Variants in DIAPH2 observed in about 807,000 individuals in gnomAD.
DIAPH2 encodes the protein protein diaphanous homolog 2.
A neutral mutation model predicts 92.7 loss-of-function variants in DIAPH2; 35 were observed. That is an observed-to-expected ratio of 0.38 (90% CI 0.29 to 0.50). The LOEUF is 0.50. DIAPH2 is among the 20% of genes least tolerant of loss of function. The pLI is 0.94. For missense variants in DIAPH2, 701 were observed against 819.5 expected, an observed-to-expected ratio of 0.86 and a Z score of 1.77; for synonymous variants, 301 against 280.4, an observed-to-expected ratio of 1.07 and a Z score of -0.73.
intron 24 of DIAPH2, among the ~76,000 whole-genome samples, chrX:97,364,680 G>A (rs1369831385): frequency 9.1e-6 from 1 of 109,869 alleles, no homozygotes; most frequent in Admixed American, 9.7e-5. Context: ...TACATATACA[G>A]CCTGATCACT....
intron 3 of DIAPH2, among the ~76,000 whole-genome samples, chrX:96,756,646 T>G (rs2064231117): frequency 8.9e-6 from 1 of 111,737 alleles, no homozygotes; most frequent in Non-Finnish European, 1.9e-5. Context: ...GTATGTAAGC[T>G]GGGTCATATG....
intron 17 of DIAPH2, among the ~76,000 whole-genome samples, chrX:97,052,745 A>G (rs1472413673): frequency 9.0e-6 from 1 of 111,091 alleles, no homozygotes; most frequent in Non-Finnish European, 1.9e-5. Context: ...GTTAAATATG[A>G]TTTTATATTA....
intron 23 of DIAPH2, among the ~76,000 whole-genome samples, chrX:97,269,975 G>C (rs898290855): frequency 3.6e-5 from 4 of 109,769 alleles, no homozygotes; most frequent in Non-Finnish European, 7.6e-5. Flanking sequence ...TTGTTGCCCA[G>C]GCTGGAGTGC....
intron 26 of DIAPH2, among the ~76,000 whole-genome samples, chrX:97,484,681 G>T (rs1299364491): frequency 9.0e-6 from 1 of 111,442 alleles, no homozygotes. Flanking sequence ...GGCAGATCAC[G>T]ATGTCAGGAG....
At chrX:96,905,213 T>C (rs780796050) in intron 5 of DIAPH2, among the ~76,000 whole-genome samples, 10 of 112,155 alleles carry the variant, frequency 8.9e-5, no homozygotes, top group Non-Finnish European at 3.8e-5. Flanking sequence ...TTAATTTGGA[T>C]AATCTAATCA....
chrX:97,050,214 A>G (rs2066510528), intron 17 of DIAPH2, among the ~76,000 whole-genome samples: 1 of 111,454 alleles, frequency 9.0e-6, no homozygotes, highest in African/African-American at 3.2e-5. Context: ...AATATATCTT[A>G]GAATTGATGG....
chrX:97,474,062 A>T (rs758057229), intron 26 of DIAPH2, among the ~76,000 whole-genome samples: 1 of 112,855 alleles, frequency 8.9e-6, no homozygotes, highest in East Asian at 2.8e-4. Context: ...TCATTTACAC[A>T]TTATTTATGC....
intron 26 of DIAPH2, among the ~76,000 whole-genome samples, chrX:97,435,995 C>T (rs976470091): frequency 1.8e-5 from 2 of 109,929 alleles, no homozygotes; most frequent in South Asian, 3.9e-4. Flanking sequence ...TTAGTAGAGG[C>T]GGGGTTTCAC....
chrX:96,727,938 G>T (rs780167202), intron 1 of DIAPH2, among the ~76,000 whole-genome samples: 1 of 107,402 alleles, frequency 9.3e-6, no homozygotes, highest in South Asian at 4.3e-4. Flanking sequence ...CAAGCTACTC[G>T]GGAGGCTGAG....
chrX:97,041,648 A>T (rs1347690104), intron 17 of DIAPH2, among the ~76,000 whole-genome samples: 1 of 111,769 alleles, frequency 8.9e-6, no homozygotes, highest in Non-Finnish European at 1.9e-5. Context: ...AGGTGCAAAA[A>T]AATTGTAATA....
At position 97,441,405 on chromosome X, in the gene DIAPH2, T is replaced by C. The variant is rs1341575358; in HGVS notation, c.3241+11660T>C. The stretch of plus-strand genomic sequence containing the variant: ...GTTCTCAAGTGCTATTAGAGACCAC[T>C]TAATTTAGTGTCTTTTTTTCATCAC... On this transcript the variant is annotated intron_variant, in intron 26 of 26. Transcript: ENST00000324765. Among the ~76,000 whole-genome samples, 3 of 111,602 alleles carry C rather than the reference T, an allele frequency of 2.7e-5. No homozygotes were observed. The East Asian group carries it at 8.4e-4, about 31-fold the overall frequency.
chrX:97,315,295 G>T lies in DIAPH2; in HGVS notation c.2845-32821G>T, dbSNP rs1404125343. The stretch of plus-strand genomic sequence containing the variant: ...AGCCACTGCACCCTAGCCTTGGCAA[G>T]TGAGACCCTGGCTCTTGAAACAACA... On this transcript the variant is annotated intron_variant, in intron 23 of 26. Coordinates refer to ENST00000324765, the MANE Select transcript of DIAPH2 (RefSeq NM_006729.5). 5.4e-5 allele frequency among the ~76,000 whole-genome samples: 6 copies of T among 111,933 alleles called. No individual in the cohort carries two copies. In the East Asian group the frequency reaches 1.7e-3, roughly 32 times the overall value.
intron 23 of DIAPH2, among the ~76,000 whole-genome samples, chrX:97,312,359 T>A (rs1306232742): frequency 2.4e-5 from 2 of 82,638 alleles, no homozygotes; most frequent in South Asian, 7.3e-4. Flanking sequence ...TTTTTTTTTT[T>A]TTTTTTTTTT....
intron 17 of DIAPH2, among the ~76,000 whole-genome samples, chrX:97,037,217 A>T (rs953413817): frequency 1.8e-5 from 2 of 111,442 alleles, no homozygotes; most frequent in African/African-American, 6.5e-5. Flanking sequence ...AGGCAATAAG[A>T]TGGCCTCATT....
chrX:97,156,215 C>A lies in DIAPH2; in HGVS notation c.2719+14421C>A, dbSNP rs763417473. 2.7e-5 allele frequency among the ~76,000 whole-genome samples: 3 copies of A among 112,093 alleles called. No individual in the cohort carries two copies. In the East Asian group the frequency reaches 8.4e-4, roughly 31 times the overall value. ...TCAGTATGCACCTTATAAACTCCATCGGCATGTAGATAACCAACTAATTTT... is the reference window on the plus strand; with the variant it reads ...TCAGTATGCACCTTATAAACTCCATAGGCATGTAGATAACCAACTAATTTT... On this transcript the variant is annotated intron_variant, in intron 22 of 26. Coordinates refer to ENST00000324765, the MANE Select transcript of DIAPH2 (RefSeq NM_006729.5).
chrX:96,770,695 A>G (rs1256054210), intron 4 of DIAPH2, among the ~76,000 whole-genome samples: 11 of 112,061 alleles, frequency 9.8e-5, no homozygotes. Flanking sequence ...AAATTCAGTC[A>G]GAATAAAAAT....
intron 14 of DIAPH2, among the ~76,000 whole-genome samples, chrX:96,947,596 G>GTAT (rs1422214611): frequency 9.0e-6 from 1 of 111,192 alleles, no homozygotes; most frequent in Non-Finnish European, 1.9e-5. Flanking sequence ...GACCCAAACA[G>GTAT]TATTATTATC....
chrX:97,195,412 G>A (rs2067693158), intron 22 of DIAPH2, among the ~76,000 whole-genome samples: 1 of 111,371 alleles, frequency 9.0e-6, no homozygotes, highest in Admixed American at 9.6e-5. Flanking sequence ...TGTAATCCCA[G>A]CACTTTGGGA....
rs770688250 is a variant in DIAPH2, at chrX:96,782,624, G to A, written c.447+24366G>A. On this transcript the variant is annotated intron_variant, in intron 4 of 26. Transcript: ENST00000324765. ...TTGTTTTGTGTGTTTTGTAGAGATG[G>A]GGTTTCGCCATGTTGCCCAGGCTGG... Among the ~76,000 whole-genome samples the A allele has an allele frequency of 2.7e-5, 3 of 111,214 alleles. No homozygotes were observed. In the East Asian group the frequency reaches 8.5e-4, roughly 32 times the overall value.
Sources: allele counts gnomAD v4.1 joint callset (sites outside exome capture counted in the v4.1 genomes callset), GRCh38; gene constraint gnomAD v4.1.1; transcripts MANE v1.5; gene names NCBI Gene and HGNC (gene_info 2026-07-23, HGNC 2026-07-21).